The following KCNK10 variants were observed in gnomAD, a reference collection of about 807,000 sequenced individuals.
KCNK10 encodes the protein potassium two pore domain channel subfamily K member 10, also known as potassium channel subfamily K member 10.
KCNK10 carries 25 observed loss-of-function variants against 47.7 expected under a neutral mutation model. The observed-to-expected ratio is 0.52, with a 90% CI of 0.38 to 0.73. The LOEUF is 0.73. KCNK10 is among the 30% of genes least tolerant of loss of function. The pLI is 0.00. For synonymous variants in KCNK10, 303 were observed against 285.6 expected, an observed-to-expected ratio of 1.06 and a Z score of -0.61; for missense variants, 563 against 714.5, an observed-to-expected ratio of 0.79 and a Z score of 2.42.
chr14:88,209,280 C>G lies in KCNK10; in HGVS notation c.682-16870G>C, dbSNP rs542903002. 5.9e-5 allele frequency among the ~76,000 whole-genome samples: 9 copies of G among 152,336 alleles called. No homozygotes were observed. The South Asian group carries it at 1.9e-3, about 32-fold the overall frequency. On this transcript the variant is annotated intron_variant, in intron 4 of 6. Transcript: ENST00000319231. Reference sequence around the variant, plus strand: ...AAGATCTGGTAAGAGCACGGGCAAGCTGAGAGGCAGTCAGCATGTAGCTAA... The same window carrying G: ...AAGATCTGGTAAGAGCACGGGCAAGGTGAGAGGCAGTCAGCATGTAGCTAA...
intron 4 of KCNK10, among the ~76,000 whole-genome samples, chr14:88,218,144 C>A (rs1366840497): frequency 6.6e-6 from 1 of 152,150 alleles, no homozygotes; most frequent in African/African-American, 2.4e-5. Flanking sequence ...CAGACGTGGA[C>A]CACTGCGCCT....
rs148272727 is a variant in KCNK10 at position 88,197,415 on chromosome 14, A to C, written c.682-5005T>G. On this transcript the variant is annotated intron_variant, in intron 4 of 6. Coordinates refer to ENST00000319231, the MANE Select transcript of KCNK10 (RefSeq NM_138317.3). ...GGGGAAACCCCAACTCTACTAAAAA[A>C]TACAAAAATTAGCTGGGCATGGTGG... 6.2e-3 allele frequency among the ~76,000 whole-genome samples: 949 copies of C among 151,846 alleles called. 7 individuals carry two copies. Among genetic ancestry groups the C allele is most frequent in the African/African-American group, 0.022 (909 of 41,412 alleles).
chr14:88,305,254 A>C (rs1430078344), intron 1 of KCNK10, among the ~76,000 whole-genome samples: 1 of 152,158 alleles, frequency 6.6e-6, no homozygotes, highest in African/African-American at 2.4e-5. Context: ...GGCTCACAGG[A>C]ACCTAACCGT....
rs1466449735 is a variant in KCNK10, at chr14:88,322,623, C to A, written c.52+124G>T. 8.1e-6 allele frequency: 11 copies of A among 1,355,584 alleles called. No homozygotes were observed. Among genetic ancestry groups the A allele is most frequent in the Non-Finnish European group, 1.1e-5 (11 of 959,338 alleles). 84.0% of individuals were successfully genotyped at this position (1,355,584 alleles called of 1,614,324 possible). On this transcript the variant is annotated intron_variant, in intron 1 of 6. Coordinates refer to ENST00000319231, the MANE Select transcript of KCNK10 (RefSeq NM_138317.3). The surrounding 1 kb of genome is among the most constrained non-coding windows in gnomAD (Gnocchi z 4.8). ...CCCTCCTCCCACCCGCGCTGCAGTT[C>A]CCAGGCGCATTTCCCAGCCTCAGGA...
In KCNK10 at chr14:88,240,756, T is replaced by A. The variant is rs765715237; in HGVS notation, c.467A>T (p.His156Leu). The A allele has an allele frequency of 9.9e-6, 16 of 1,613,876 alleles. No individual in the cohort carries two copies. In the East Asian group the frequency reaches 3.6e-4, roughly 36 times the overall value. ...PIGNSSNNSS[H>L]WDLGSAFFFA... ...GAAAAAGGCACTGCCGAGGTCCCAGTGGCTGCTGTTGTTGGAAGAGTTTCC... is the reference window on the plus strand; with the variant it reads ...GAAAAAGGCACTGCCGAGGTCCCAGAGGCTGCTGTTGTTGGAAGAGTTTCC... Residue 156 changes from histidine to leucine, a missense_variant, in exon 3 of 7, where the codon CAC becomes CTC. Physicochemically the swap from His to Leu is moderately conservative, Grantham distance 99. Transcript: ENST00000319231.
chr14:88,202,769 C>CT (rs1595078199), intron 4 of KCNK10, among the ~76,000 whole-genome samples: 1 of 143,274 alleles, frequency 7.0e-6, no homozygotes, highest in Admixed American at 7.4e-5. Context: ...GGGACGAGAT[C>CT]TTCCTAGAGT....
chr14:88,242,562 G>A (rs1018496102), intron 2 of KCNK10, among the ~76,000 whole-genome samples: 3 of 152,128 alleles, frequency 2.0e-5, no homozygotes, highest in African/African-American at 2.4e-5. Context: ...ATGCAAGACC[G>A]CAGCCGGCCA....
chr14:88,322,014 CT>C lies in KCNK10; in HGVS notation c.52+732del, dbSNP rs1415621751. ...CACACAAATCCGTCTTAATCCCTCC[CT>C]TTTGCGTGGATGAAACCTGGTCCAA... is the stretch of plus-strand genomic sequence containing the variant. On this transcript the variant is annotated intron_variant, in intron 1 of 6. Transcript: ENST00000319231. This position sits in a 1 kb window ranked among gnomAD's most constrained non-coding sequence, Gnocchi z 4.8. Among the ~76,000 whole-genome samples, 2 of 152,342 alleles carry C rather than the reference CT, an allele frequency of 1.3e-5. No individual in the cohort carries two copies. Among genetic ancestry groups the C allele is most frequent in the East Asian group, 3.9e-4 (2 of 5,184 alleles).
At chr14:88,211,470 T>C (rs910743554) in intron 4 of KCNK10, among the ~76,000 whole-genome samples, 4 of 152,174 alleles carry the variant, frequency 2.6e-5, no homozygotes, top group Admixed American at 2.6e-4. Flanking sequence ...TTAATGCCAC[T>C]GAACTGTACA....
At chr14:88,241,991 C>T (rs1310956734) in intron 2 of KCNK10, among the ~76,000 whole-genome samples, 2 of 150,454 alleles carry the variant, frequency 1.3e-5, no homozygotes, top group African/African-American at 4.9e-5. Context: ...CACGGGTGAA[C>T]TGGGATAAAA....
chr14:88,258,933 A>T (rs936038702), intron 2 of KCNK10, among the ~76,000 whole-genome samples: 1 of 152,170 alleles, frequency 6.6e-6, no homozygotes, highest in Non-Finnish European at 1.5e-5. Flanking sequence ...AATATGAAGC[A>T]CACATTCCAG....
intron 4 of KCNK10, among the ~76,000 whole-genome samples, chr14:88,225,117 A>G (rs943143128): frequency 1.3e-5 from 2 of 152,212 alleles, no homozygotes; most frequent in Admixed American, 1.3e-4. Flanking sequence ...CCTAAACGTA[A>G]TTGGACTTTT....
rs547395690 is a variant in KCNK10, at chr14:88,271,926, C to CAA, written c.53-8377_53-8376dup. ...TTGTATTTATAAACCAAAGGTATGGCAAAAAAAAAAAAAAAGTCAGAAGCC... is the reference window on the plus strand; with the variant it reads ...TTGTATTTATAAACCAAAGGTATGGCAAAAAAAAAAAAAAAAAGTCAGAAGCC... On this transcript the variant is annotated intron_variant, in intron 1 of 6. Coordinates refer to ENST00000319231, the MANE Select transcript of KCNK10 (RefSeq NM_138317.3). Among the ~76,000 whole-genome samples the CAA allele has an allele frequency of 9.8e-5, 11 of 112,628 alleles. No homozygotes were observed. The East Asian group carries it at 9.8e-4, about 10-fold the overall frequency. The allele number at this position is 112,628 out of a possible 152,430, so 73.9% of individuals were successfully genotyped here. A position where few individuals can be genotyped will look rare whatever the true frequency, so the allele number is the denominator to read the frequency against.
At chr14:88,294,293 C>T (rs890867348) in intron 1 of KCNK10, among the ~76,000 whole-genome samples, 8 of 152,256 alleles carry the variant, frequency 5.3e-5, no homozygotes, top group Non-Finnish European at 1.0e-4. Flanking sequence ...GGGAACTGAG[C>T]TTTCGCTCTC....
intron 1 of KCNK10, among the ~76,000 whole-genome samples, chr14:88,275,624 G>A (rs1887510614): frequency 6.7e-6 from 1 of 148,316 alleles, no homozygotes; most frequent in Non-Finnish European, 1.5e-5. Context: ...CGAGGCAGGG[G>A]ATCACCTGAG....
chr14:88,218,960 A>G (rs1885711622), intron 4 of KCNK10, among the ~76,000 whole-genome samples: 1 of 152,110 alleles, frequency 6.6e-6, no homozygotes, highest in Non-Finnish European at 1.5e-5. Context: ...TAAACTCCAC[A>G]TTGGTTTCAT....
intron 1 of KCNK10, among the ~76,000 whole-genome samples, chr14:88,293,698 A>G (rs1887926466): frequency 6.6e-6 from 1 of 151,790 alleles, no homozygotes; most frequent in Admixed American, 6.6e-5. Flanking sequence ...TTTTATGGAC[A>G]GAGTCTTGCT....
chr14:88,229,593 C>G (rs887324523), intron 3 of KCNK10, among the ~76,000 whole-genome samples: 1 of 152,078 alleles, frequency 6.6e-6, no homozygotes, highest in African/African-American at 2.4e-5. Flanking sequence ...TGATGCAATA[C>G]TCAAACAAGC....
intron 4 of KCNK10, among the ~76,000 whole-genome samples, chr14:88,207,790 G>C (rs576104735): frequency 7.9e-5 from 12 of 152,136 alleles, no homozygotes; most frequent in Non-Finnish European, 1.6e-4. Context: ...TAGGCTGATG[G>C]GGATGCCCAC....
Sources: gnomAD v4.1 joint callset for allele counts (sites outside exome capture counted in the v4.1 genomes callset) on GRCh38, gnomAD v4.1.1 for gene constraint, Gnocchi (gnomAD v3.1) non-coding constraint, MANE v1.5 for transcripts, NCBI Gene and HGNC (gene_info 2026-07-23, HGNC 2026-07-21) for gene names.